SRBD1: variants seen among roughly 807,000 people sequenced by gnomAD.
SRBD1 encodes S1 RNA-binding domain-containing protein 1.
Under a neutral mutation model 115.3 loss-of-function variants are expected in SRBD1, and 88 were observed. The ratio of observed to expected loss-of-function variants is 0.76; its 90% CI spans 0.64 to 0.91. The LOEUF (loss-of-function observed/expected upper bound fraction) is 0.91. Ranked by LOEUF, SRBD1 falls within the 40% of genes least tolerant of loss-of-function variation. The pLI, the probability that SRBD1 is intolerant of heterozygous loss-of-function variation, is 0.00. For missense variants in SRBD1, 1,385 were observed against 1,177.4 expected, an observed-to-expected ratio of 1.18 and a Z score of -2.58; for synonymous variants, 509 against 407.7, an observed-to-expected ratio of 1.25 and a Z score of -2.99.
intron 4 of SRBD1, among the ~76,000 whole-genome samples, chr2:45,595,490 C>G (rs1673866705): frequency 6.6e-6 from 1 of 151,460 alleles, no homozygotes; most frequent in Non-Finnish European, 1.5e-5. Flanking sequence ...ATGCATGTTA[C>G]AGGTATTTTG....
chr2:45,389,352 G>A lies in SRBD1; in HGVS notation c.2946C>T (p.Ile982=). 2 of 1,614,058 alleles carry A rather than the reference G, an allele frequency of 1.2e-6. No individual in the cohort carries two copies. The highest frequency in any genetic ancestry group is 1.7e-6 in the Non-Finnish European group (2 of 1,179,928). Residue 982 remains isoleucine, a synonymous_variant, in exon 21 of 21, where the codon ATC becomes ATT. Coordinates refer to ENST00000263736, the MANE Select transcript of SRBD1 (RefSeq NM_018079.5). ...GGTCCAGAGTAATCCTAGATCGGGG[G>A]ATGTCAATGTTGAGTACTTGGACTT... The part of the protein sequence containing the change: ...RVEVQVLNID[I]PRSRITLDLI...
At chr2:45,471,978 A>C (rs2103805073) in intron 16 of SRBD1, among the ~76,000 whole-genome samples, 1 of 152,296 alleles carries the variant, frequency 6.6e-6, no homozygotes, top group East Asian at 1.9e-4. Context: ...ATCCATTCTG[A>C]GGTATACATC....
chr2:45,595,189 T>C (rs1373438100), intron 4 of SRBD1, among the ~76,000 whole-genome samples: 1 of 152,208 alleles, frequency 6.6e-6, no homozygotes, highest in Non-Finnish European at 1.5e-5. Context: ...GTTGACTATA[T>C]AGTTCTGCCT....
chr2:45,505,812 A>G (rs781614149), intron 14 of SRBD1, among the ~76,000 whole-genome samples: 5 of 120,020 alleles, frequency 4.2e-5, no homozygotes, highest in Non-Finnish European at 9.6e-5. Flanking sequence ...AAAATAATCT[A>G]AAACCATGAC....
In SRBD1 at chr2:45,485,765, T is replaced by G. The variant is rs1348614410; in HGVS notation, c.1966+2475A>C. ...CTTAAAGGTAAAAAATCCACACTCG[T>G]AGGTAGCTCAGATCTCACATAACGT... On this transcript the variant is annotated intron_variant, in intron 15 of 20. Transcript: ENST00000263736. Among the ~76,000 whole-genome samples the G allele has an allele frequency of 2.6e-5, 4 of 152,134 alleles. No homozygotes were observed. In the East Asian group the frequency reaches 5.8e-4, roughly 22 times the overall value.
intron 19 of SRBD1, among the ~76,000 whole-genome samples, chr2:45,397,943 G>A (rs1219207599): frequency 6.6e-6 from 1 of 152,098 alleles, no homozygotes; most frequent in Admixed American, 6.6e-5. Flanking sequence ...TACTGAAATA[G>A]GCCAGAATCC....
At chr2:45,432,271 C>T (rs1014843015) in intron 16 of SRBD1, among the ~76,000 whole-genome samples, 10 of 152,036 alleles carry the variant, frequency 6.6e-5, no homozygotes, top group African/African-American at 2.2e-4. Flanking sequence ...TCAGGTGATC[C>T]GCCCACCTCA....
chr2:45,441,725 G>A (rs755453992), intron 16 of SRBD1, among the ~76,000 whole-genome samples: 4 of 152,230 alleles, frequency 2.6e-5, no homozygotes, highest in Non-Finnish European at 4.4e-5. Flanking sequence ...TAAAATAGGA[G>A]GAGATACTGG....
intron 14 of SRBD1, among the ~76,000 whole-genome samples, chr2:45,520,927 A>G (rs1572728594): frequency 6.6e-6 from 1 of 152,218 alleles, no homozygotes; most frequent in African/African-American, 2.4e-5. Context: ...GGATACAGAA[A>G]GCTATTGCAA....
At chr2:45,529,849 A>T (rs1035324681) in intron 14 of SRBD1, among the ~76,000 whole-genome samples, 1 of 152,012 alleles carries the variant, frequency 6.6e-6, no homozygotes, top group African/African-American at 2.4e-5. Flanking sequence ...TCCTCAAAGC[A>T]TTTCTCCTTA....
chr2:45,597,148 C>T (rs975537216), intron 4 of SRBD1, among the ~76,000 whole-genome samples: 12 of 152,122 alleles, frequency 7.9e-5, no homozygotes, highest in Admixed American at 2.6e-4. Flanking sequence ...AGGCTGAGTG[C>T]GGTGGCTTAC....
chr2:45,445,035 A>T (rs772501835), intron 16 of SRBD1, among the ~76,000 whole-genome samples: 1 of 152,236 alleles, frequency 6.6e-6, no homozygotes, highest in Non-Finnish European at 1.5e-5. Flanking sequence ...AGTCATCCCG[A>T]CCACAGTAGA....
intron 17 of SRBD1, 74 bp downstream of exon 17, chr2:45,419,714 C>T: frequency 7.4e-7 from 1 of 1,358,390 alleles, no homozygotes. Flanking sequence ...GTGTTCCCTT[C>T]TTCTAGCCGA....
rs777568313 is a variant in SRBD1, at chr2:45,389,383, C to G, written c.2915G>C (p.Arg972Thr). The G allele has an allele frequency of 1.9e-6, 3 of 1,614,078 alleles. No individual in the cohort carries two copies. In the South Asian group the frequency reaches 3.3e-5, roughly 18 times the overall value. Residue 972 changes from arginine to threonine, a missense_variant, in exon 21 of 21, where the codon AGA (arginine) becomes ACA (threonine). By Grantham distance (71) the Arg-to-Thr change is moderately conservative (BLOSUM62 -1). Coordinates refer to ENST00000263736, the MANE Select transcript of SRBD1 (RefSeq NM_018079.5). Reference protein sequence around the residue: ...RRSLGLGPGERVEVQVLNIDI... With the variant: ...RRSLGLGPGETVEVQVLNIDI... Reference sequence around the variant, plus strand: ...AATGTTGAGTACTTGGACTTCCACTCTTTCTCCGGGGCCCAGTCCAAGGCT... The same window carrying G: ...AATGTTGAGTACTTGGACTTCCACTGTTTCTCCGGGGCCCAGTCCAAGGCT...
chr2:45,484,911 T>A lies in SRBD1; in HGVS notation c.1966+3329A>T, dbSNP rs1057118514. Among the ~76,000 whole-genome samples, 6 of 152,262 alleles carry A rather than the reference T, an allele frequency of 3.9e-5. No homozygotes were observed. The East Asian group carries it at 1.2e-3, about 29-fold the overall frequency. Reference sequence around the variant, plus strand: ...TTGAGGTTCATATGGTGTTGTAGCATGTACCAGTACTTCATTCTTTTTACG... The same window carrying A: ...TTGAGGTTCATATGGTGTTGTAGCAAGTACCAGTACTTCATTCTTTTTACG... On this transcript the variant is annotated intron_variant, in intron 15 of 20. Transcript: ENST00000263736.
chr2:45,454,783 G>C (rs1446126803), intron 16 of SRBD1, among the ~76,000 whole-genome samples: 5 of 151,716 alleles, frequency 3.3e-5, no homozygotes, highest in African/African-American at 1.2e-4. Flanking sequence ...AGCAAATTAT[G>C]AACATTGTTA....
intron 14 of SRBD1, among the ~76,000 whole-genome samples, chr2:45,503,050 G>A (rs756717131): frequency 2.6e-5 from 4 of 152,078 alleles, no homozygotes; most frequent in Non-Finnish European, 4.4e-5. Context: ...CTGTTCTAAA[G>A]CCTCAAAAAC....
At chr2:45,414,845 T>TATAGTGTGTATATAGTATGTACACACAC (rs1667754659) in intron 18 of SRBD1, among the ~76,000 whole-genome samples, 3 of 139,482 alleles carry the variant, frequency 2.2e-5, no homozygotes, top group East Asian at 2.1e-4. Context: ...TACACACACA[T>TATAGTGTGTATATAGTATGTACACACAC]ATAGTGTGTA....
intron 14 of SRBD1, among the ~76,000 whole-genome samples, chr2:45,514,000 T>C (rs1671048812): frequency 6.6e-6 from 1 of 152,160 alleles, no homozygotes; most frequent in Non-Finnish European, 1.5e-5. Context: ...AACTCTTTCA[T>C]CATATTAGTT....
Sources: gnomAD v4.1 joint callset for allele counts (sites outside exome capture counted in the v4.1 genomes callset) on GRCh38, gnomAD v4.1.1 for gene constraint, MANE v1.5 for transcripts, NCBI Gene and HGNC (gene_info 2026-07-23, HGNC 2026-07-21) for gene names.